CDH13: variants seen among roughly 807,000 people sequenced by gnomAD.
CDH13 encodes cadherin-13.
Under a neutral mutation model 63.8 loss-of-function variants are expected in CDH13, and 24 were observed. The observed-to-expected ratio is 0.38, with a 90% CI of 0.27 to 0.53. The LOEUF is 0.53. Among genes scored for constraint, CDH13 ranks in the 20% least tolerant of loss-of-function variants. The pLI is 0.85. For missense variants in CDH13, 1,049 were observed against 903.1 expected (o/e 1.16, Z -2.07); for synonymous variants, 503 against 355.3 (o/e 1.42, Z -4.67).
chr16:83,452,112 A>C (rs2072902164), intron 6 of CDH13, among the ~76,000 whole-genome samples: 1 of 152,234 alleles, frequency 6.6e-6, no homozygotes, highest in Admixed American at 6.5e-5. Flanking sequence ...CAGGAGATAC[A>C]TTTCGATTCA....
intron 2 of CDH13, among the ~76,000 whole-genome samples, chr16:82,967,727 T>C (rs1908069281): frequency 6.6e-6 from 1 of 152,192 alleles, no homozygotes; most frequent in African/African-American, 2.4e-5. Context: ...CTCATGGCAG[T>C]ATTGTGTCCT....
chr16:82,927,115 G>C (rs899233951), intron 2 of CDH13, among the ~76,000 whole-genome samples: 1 of 152,052 alleles, frequency 6.6e-6, no homozygotes, highest in Non-Finnish European at 1.5e-5. Context: ...TCCACACATG[G>C]CCTCTCCACG....
chr16:83,307,830 G>C (rs2089913770), intron 5 of CDH13, among the ~76,000 whole-genome samples: 1 of 152,204 alleles, frequency 6.6e-6, no homozygotes, highest in Non-Finnish European at 1.5e-5. Context: ...CAGAGCGGGG[G>C]AGTAATTATT....
At chr16:82,758,142 T>A (rs146932731) in intron 1 of CDH13, among the ~76,000 whole-genome samples, 1 of 151,980 alleles carries the variant, frequency 6.6e-6, no homozygotes, top group African/African-American at 2.4e-5. Flanking sequence ...CTTGGACCAA[T>A]TGGGAAAAGA....
intron 3 of CDH13, among the ~76,000 whole-genome samples, chr16:83,066,965 G>A (rs138845484): frequency 6.6e-6 from 1 of 152,150 alleles, no homozygotes; most frequent in South Asian, 2.1e-4. Context: ...TGAAGTCTTT[G>A]CTTCAGCAAT....
At chr16:82,731,976 T>C (rs1197328163) in intron 1 of CDH13, among the ~76,000 whole-genome samples, 1 of 152,176 alleles carries the variant, frequency 6.6e-6, no homozygotes, top group African/African-American at 2.4e-5. Flanking sequence ...TCTTCTTCCC[T>C]TTGCCTACCT....
chr16:83,473,497 C>A (rs529845441), intron 6 of CDH13, among the ~76,000 whole-genome samples: 2 of 152,284 alleles, frequency 1.3e-5, no homozygotes, highest in East Asian at 3.9e-4. Flanking sequence ...GTTGATCATA[C>A]CTGGAACTTC....
intron 3 of CDH13, among the ~76,000 whole-genome samples, chr16:83,111,791 A>T (rs1304004651): frequency 6.6e-6 from 1 of 152,180 alleles, no homozygotes; most frequent in Non-Finnish European, 1.5e-5. Flanking sequence ...ACTCCTCTCT[A>T]TTTCATAGTT....
intron 7 of CDH13, among the ~76,000 whole-genome samples, chr16:83,493,963 A>C (rs2151575013): frequency 6.6e-6 from 1 of 152,334 alleles, no homozygotes; most frequent in Non-Finnish European, 1.5e-5. Flanking sequence ...TGAGCTTGTT[A>C]AATAGATTAA....
At chr16:83,295,578 G>A (rs2089572221) in intron 5 of CDH13, among the ~76,000 whole-genome samples, 1 of 151,568 alleles carries the variant, frequency 6.6e-6, no homozygotes, top group South Asian at 2.1e-4. Flanking sequence ...TTTTTAAAAT[G>A]CTCAACATCA....
chr16:83,018,500 G>T (rs2151449793), intron 2 of CDH13, among the ~76,000 whole-genome samples: 1 of 152,300 alleles, frequency 6.6e-6, no homozygotes, highest in Middle Eastern at 3.4e-3. Flanking sequence ...TATTCCTGAT[G>T]AAGTCATATA....
intron 5 of CDH13, among the ~76,000 whole-genome samples, chr16:83,255,237 T>C (rs1241631667): frequency 1.3e-5 from 2 of 152,192 alleles, no homozygotes; most frequent in Non-Finnish European, 2.9e-5. Context: ...CAGCATGGAC[T>C]ATGTGGCCAT....
At chr16:82,883,569 T>A (rs1324724118) in intron 2 of CDH13, among the ~76,000 whole-genome samples, 1 of 152,246 alleles carries the variant, frequency 6.6e-6, no homozygotes, top group African/African-American at 2.4e-5. Flanking sequence ...CTTTGTCTCC[T>A]GTTAGTCTAG....
intron 1 of CDH13, among the ~76,000 whole-genome samples, chr16:82,846,848 A>C (rs1205610991): frequency 6.6e-6 from 1 of 152,250 alleles, no homozygotes; most frequent in Non-Finnish European, 1.5e-5. Flanking sequence ...GGCAGATCAA[A>C]ATGTCCCATA....
At chr16:82,784,654 G>T (rs2035917980) in intron 1 of CDH13, among the ~76,000 whole-genome samples, 3 of 152,124 alleles carry the variant, frequency 2.0e-5, no homozygotes, top group African/African-American at 4.8e-5. Context: ...TTGGATAAGG[G>T]TCATAGGGGA....
chr16:83,507,437 A>G (rs1017767267), intron 7 of CDH13, among the ~76,000 whole-genome samples: 2 of 152,256 alleles, frequency 1.3e-5, no homozygotes, highest in African/African-American at 4.8e-5. Flanking sequence ...ATATTTGGCT[A>G]GAAAGACTAA....
chr16:82,757,607 C>T (rs56362437), intron 1 of CDH13, among the ~76,000 whole-genome samples: 11,979 of 147,828 alleles, frequency 0.081, 761 homozygotes, highest in African/African-American at 0.09. Flanking sequence ...CCGCAGCTTG[C>T]AAATGCAAGC....
At chr16:83,500,275 TC>T (rs368070061) in intron 7 of CDH13, among the ~76,000 whole-genome samples, 42 of 2,248 alleles carry the variant, frequency 0.019, 6 homozygotes, top group East Asian at 0.33. Context: ...TTCTTCTTCT[TC>T]TTCTTCTTCT....
At chr16:82,765,269 C>T (rs75659526) in intron 1 of CDH13, among the ~76,000 whole-genome samples, 6,667 of 152,206 alleles carry the variant, frequency 0.044, 213 homozygotes, top group Non-Finnish European at 0.069. Flanking sequence ...CTTGAAGCTC[C>T]GATTACCAAG....
Sources: gnomAD v4.1 joint callset for allele counts (sites outside exome capture counted in the v4.1 genomes callset) on GRCh38, gnomAD v4.1.1 for gene constraint, MANE v1.5 for transcripts, NCBI Gene and HGNC (gene_info 2026-07-23, HGNC 2026-07-21) for gene names.